The following MYCBP2 variants were observed in gnomAD, a reference collection of about 807,000 sequenced individuals.
The protein encoded by MYCBP2 is MYC binding protein 2.
Under a neutral mutation model 525.3 loss-of-function variants are expected in MYCBP2, and 120 were observed. That is an observed-to-expected ratio of 0.23 (90% CI 0.20 to 0.27). MYCBP2 has a LOEUF of 0.27. Ranked by LOEUF, MYCBP2 falls within the 10% of genes least tolerant of loss-of-function variation. The pLI, the probability that MYCBP2 is intolerant of heterozygous loss-of-function variation, is 1.00. For synonymous variants in MYCBP2, 1,894 were observed against 1,955.8 expected, an observed-to-expected ratio of 0.97 and a Z score of 0.83; for missense variants, 4,149 against 5,657.1, an observed-to-expected ratio of 0.73 and a Z score of 8.55.
intron 26 of MYCBP2, among the ~76,000 whole-genome samples, chr13:77,203,203 G>C (rs2062844176): frequency 1.3e-5 from 2 of 152,098 alleles, no homozygotes; most frequent in African/African-American, 2.4e-5. Flanking sequence ...AAAGTCTCAG[G>C]ATACAAAATC....
At position 77,283,668 on chromosome 13, in the gene MYCBP2, G is replaced by A. The variant is rs532380273; in HGVS notation, c.594+4493C>T. On this transcript the variant is annotated intron_variant, in intron 3 of 82. Transcript: ENST00000544440. Reference sequence around the variant, plus strand: ...TCCCAGTACTTTGGAAGGCTGAGGCGGTCAGACTGCTTGAGCTCAAGAGTT... The same window carrying A: ...TCCCAGTACTTTGGAAGGCTGAGGCAGTCAGACTGCTTGAGCTCAAGAGTT... Among the ~76,000 whole-genome samples, 13 of 152,234 alleles carry A rather than the reference G, an allele frequency of 8.5e-5. No homozygotes were observed. The South Asian group carries it at 1.0e-3, about 12-fold the overall frequency.
chr13:77,194,259 A>G lies in MYCBP2; in HGVS notation c.3844-15T>C. The G allele has an allele frequency of 6.4e-7, 1 of 1,573,300 alleles. No individual in the cohort carries two copies. Among genetic ancestry groups the G allele is most frequent in the South Asian group, 1.1e-5 (1 of 90,162 alleles). On this transcript the variant is annotated splice_polypyrimidine_tract_variant and intron_variant, in intron 26 of 82. Coordinates refer to ENST00000544440, the MANE Select transcript of MYCBP2 (RefSeq NM_015057.5). ...AATTCAAACAGCTAAGGAAAGGAGAAAGACAATCATTTATATAAATCAGCT... is the reference window on the plus strand; with the variant it reads ...AATTCAAACAGCTAAGGAAAGGAGAGAGACAATCATTTATATAAATCAGCT...
intron 55 of MYCBP2, chr13:77,103,162 CT>C (rs2047333239): frequency 2.5e-6 from 1 of 397,070 alleles, no homozygotes; most frequent in East Asian, 3.6e-5. Flanking sequence ...AATGACACTC[CT>C]TATGTTCATT....
intron 56 of MYCBP2, among the ~76,000 whole-genome samples, chr13:77,096,694 C>G (rs1291494964): frequency 1.3e-5 from 2 of 151,928 alleles, no homozygotes; most frequent in Non-Finnish European, 2.9e-5. Flanking sequence ...ATGAGAGATA[C>G]TTAGTTTCTA....
chr13:77,234,953 T>C (rs546923382), intron 17 of MYCBP2, among the ~76,000 whole-genome samples: 29 of 152,216 alleles, frequency 1.9e-4, no homozygotes, highest in East Asian at 7.7e-4. Context: ...TCAATCTTTT[T>C]AGAATCTTTT....
At chr13:77,220,259 G>C (rs1476208715) in intron 20 of MYCBP2, among the ~76,000 whole-genome samples, 1 of 151,994 alleles carries the variant, frequency 6.6e-6, no homozygotes, top group Non-Finnish European at 1.5e-5. Context: ...GGTGAAAAAA[G>C]AGTAAAAAAG....
intron 1 of MYCBP2, among the ~76,000 whole-genome samples, chr13:77,317,377 C>T (rs1189359110): frequency 6.6e-6 from 1 of 152,226 alleles, no homozygotes; most frequent in East Asian, 1.9e-4. Context: ...GATCTTTTAA[C>T]CCCTTGCCAT....
intron 62 of MYCBP2, 138 bp downstream of exon 62, chr13:77,087,346 T>G: frequency 1.4e-6 from 1 of 738,644 alleles, no homozygotes; most frequent in Middle Eastern, 4.0e-4. Flanking sequence ...TTATTAATAC[T>G]TTGCCCATAG....
intron 55 of MYCBP2, chr13:77,121,168 C>G (rs1851490531): frequency 2.6e-6 from 1 of 383,280 alleles, no homozygotes; most frequent in Admixed American, 4.8e-5. Flanking sequence ...TAAACTTAAG[C>G]CAAAACTGGT....
Position 77,326,596 on chromosome 13 carries a change from G to A in MYCBP2, c.180C>T (p.Ser60=), listed in dbSNP as rs1329423482. 1 of 1,587,850 alleles carries A rather than the reference G, an allele frequency of 6.3e-7. No homozygotes were observed. The highest frequency in any genetic ancestry group is 1.4e-5 in the African/African-American group (1 of 72,512). Residue 60 remains serine, a synonymous_variant, in exon 1 of 83, where the codon TCC becomes TCT. Transcript: ENST00000544440. The surrounding 1 kb of genome is among the most constrained non-coding windows in gnomAD (Gnocchi z 4.2). ...ACAGCAGCAGCTGGTAGTGACCCCG[G>A]GAGTCCGCGGCGGGTAGCCCCAGCC... The part of the protein sequence containing the change: ...GLGLGLPAAD[S]RGHYQLLLSG...
At chr13:77,091,508 T>C (rs1158384421) in intron 59 of MYCBP2, among the ~76,000 whole-genome samples, 1 of 152,112 alleles carries the variant, frequency 6.6e-6, no homozygotes, top group Non-Finnish European at 1.5e-5. Context: ...ATGACATCTT[T>C]AATTGAATGG....
chr13:77,296,632 C>T lies in MYCBP2; in HGVS notation c.345G>A (p.Gln115=). ...ILNKKKLKRK[Q]KSKSKVKTRS... ...TTGTCTTCACTTTTGATTTGCTCTT[C>T]TGTTTTCTTTTCAATTTCTTCTTAT... is the stretch of plus-strand genomic sequence containing the variant. The change falls in exon 2 of 83, where the codon CAG becomes CAA. Residue 115 remains glutamine (Q), a synonymous_variant. Transcript: ENST00000544440. 1 of 1,552,846 alleles carries T rather than the reference C, an allele frequency of 6.4e-7. No individual in the cohort carries two copies. The highest frequency in any genetic ancestry group is 8.7e-7 in the Non-Finnish European group (1 of 1,144,642).
At chr13:77,140,021 C>A in intron 51 of MYCBP2, 26 bp downstream of exon 51, 2 of 1,505,960 alleles carry the variant, frequency 1.3e-6, no homozygotes, top group South Asian at 1.2e-5. Context: ...CCAAAATTTA[C>A]TACCAAAAGC....
intron 30 of MYCBP2, among the ~76,000 whole-genome samples, chr13:77,188,385 T>C (rs906460324): frequency 1.3e-5 from 2 of 152,342 alleles, no homozygotes; most frequent in Middle Eastern, 3.4e-3. Flanking sequence ...AATGCTATGA[T>C]GTAATTTACT....
rs774979914 is a variant in MYCBP2, at chr13:77,217,742, GTTATA to G, written c.3057+93_3057+97del. 93 of 613,826 alleles carry G rather than the reference GTTATA, an allele frequency of 1.5e-4. 1 individual carries two copies. The highest frequency in any genetic ancestry group is 7.5e-4 in the South Asian group (24 of 31,848). The allele number at this position is 613,826 out of a possible 1,614,324, so 38.0% of individuals were successfully genotyped here. On this transcript the variant is annotated intron_variant, in intron 21 of 82. Transcript: ENST00000544440. ...CATATGTAACAATTATAATATAATT[GTTATA>G]TTATATTCTGGAAACAGAAAAAAGA... is the stretch of plus-strand genomic sequence containing the variant.
intron 15 of MYCBP2, among the ~76,000 whole-genome samples, chr13:77,246,053 G>C (rs2069872916): frequency 2.0e-5 from 3 of 152,040 alleles, no homozygotes; most frequent in Admixed American, 2.0e-4. Context: ...CTGACTTGGG[G>C]TCAGGGAAAG....
At chr13:77,181,051 A>G (rs1032558538) in intron 33 of MYCBP2, among the ~76,000 whole-genome samples, 2 of 152,238 alleles carry the variant, frequency 1.3e-5, no homozygotes, top group African/African-American at 4.8e-5. Flanking sequence ...TTGTACACAC[A>G]TATGATTCCT....
At chr13:77,184,033 T>C (rs1264950101) in intron 32 of MYCBP2, among the ~76,000 whole-genome samples, 1 of 152,214 alleles carries the variant, frequency 6.6e-6, no homozygotes, top group Non-Finnish European at 1.5e-5. Context: ...TCCTTCCTTC[T>C]AACTTTGGGT....
In MYCBP2 at chr13:77,093,322, CATG is replaced by C. The variant is rs1256686870; in HGVS notation, c.10207_10209del (p.His3403del). The C allele has an allele frequency of 1.2e-6, 2 of 1,612,976 alleles. No homozygotes were observed. Among genetic ancestry groups the C allele is most frequent in the African/African-American group, 1.3e-5 (1 of 74,988 alleles). ...TCATCTTGATAGCCCACAAAATTTT[CATG>C]ATGATGCCTGCATTAAATCAAACCC... is the stretch of plus-strand genomic sequence containing the variant. On this transcript the variant is annotated inframe_deletion, in exon 59 of 83. Transcript: ENST00000544440.
Sources: gnomAD v4.1 joint callset for allele counts (sites outside exome capture counted in the v4.1 genomes callset) on GRCh38, gnomAD v4.1.1 for gene constraint, Gnocchi (gnomAD v3.1) non-coding constraint, MANE v1.5 for transcripts, NCBI Gene and HGNC (gene_info 2026-07-23, HGNC 2026-07-21) for gene names.